Variants in PTPRG observed in about 807,000 individuals in gnomAD.
PTPRG encodes the protein protein tyrosine phosphatase receptor type G.
PTPRG carries 102 observed loss-of-function variants against 165.3 expected under a neutral mutation model. The observed-to-expected ratio is 0.62, with a 90% confidence interval of 0.53 to 0.73. PTPRG has a LOEUF of 0.73. Ranked by LOEUF, PTPRG falls within the 30% of genes least tolerant of loss-of-function variation. The pLI is 0.00. For synonymous variants in PTPRG, 675 were observed against 669.5 expected, an observed-to-expected ratio of 1.01 and a Z score of -0.13; for missense variants, 1,866 against 1,861.4, an observed-to-expected ratio of 1.00 and a Z score of -0.05.
chr3:62,007,248 G>C (rs994341960), intron 4 of PTPRG, among the ~76,000 whole-genome samples: 7 of 152,228 alleles, frequency 4.6e-5, no homozygotes, highest in Admixed American at 1.3e-4. Context: ...GGTCATCTGA[G>C]ACAACTTTGT....
chr3:62,154,622 C>T (rs1174470184), intron 6 of PTPRG, among the ~76,000 whole-genome samples: 1 of 152,124 alleles, frequency 6.6e-6, no homozygotes, highest in East Asian at 1.9e-4. Context: ...AAAGCCATGG[C>T]CTCTTCCTAT....
intron 6 of PTPRG, among the ~76,000 whole-genome samples, chr3:62,153,943 C>G (rs1704439543): frequency 6.6e-6 from 1 of 152,188 alleles, no homozygotes; most frequent in African/African-American, 2.4e-5. Flanking sequence ...GTTTTCTGCT[C>G]TCCAGGCATA....
At chr3:62,169,859 T>A (rs192071441) in intron 8 of PTPRG, among the ~76,000 whole-genome samples, 11 of 152,258 alleles carry the variant, frequency 7.2e-5, no homozygotes, top group Admixed American at 5.9e-4. Context: ...AGGGAACAGT[T>A]TATTGGCATA....
rs1452220082 is a variant in PTPRG, at chr3:62,210,083, T to TA, written c.2155+6134dup. ...CCACTTTCCCACCACCTAATTGAAA[T>TA]AGAGATGACAGACCATCATTTTGAT... On this transcript the variant is annotated intron_variant, in intron 12 of 29. Coordinates refer to ENST00000474889, the MANE Select transcript of PTPRG (RefSeq NM_002841.4). This position sits in a 1 kb window ranked among gnomAD's most constrained non-coding sequence, Gnocchi z 4.1. 6.6e-6 allele frequency among the ~76,000 whole-genome samples: 1 copy of TA among 152,162 alleles called. No individual in the cohort carries two copies. Among genetic ancestry groups the TA allele is most frequent in the African/African-American group, 2.4e-5 (1 of 41,434 alleles).
At chr3:61,576,033 T>C (rs1013568982) in intron 1 of PTPRG, among the ~76,000 whole-genome samples, 6 of 152,138 alleles carry the variant, frequency 3.9e-5, no homozygotes, top group Non-Finnish European at 8.8e-5. Context: ...TGTGAAGACA[T>C]GGGAGAGAGC....
chr3:61,982,627 G>A (rs977364470), intron 2 of PTPRG, among the ~76,000 whole-genome samples: 3 of 152,112 alleles, frequency 2.0e-5, no homozygotes, highest in Non-Finnish European at 2.9e-5. Flanking sequence ...CAGCCTAGAG[G>A]TCTGTGGCTC....
intron 1 of PTPRG, among the ~76,000 whole-genome samples, chr3:61,735,014 G>C (rs1037029138): frequency 1.3e-5 from 2 of 152,160 alleles, no homozygotes; most frequent in African/African-American, 4.8e-5. Context: ...AGCCAAAAAA[G>C]AGAAAGGAAA....
At chr3:61,881,947 A>C (rs1247875870) in intron 2 of PTPRG, among the ~76,000 whole-genome samples, 1 of 152,170 alleles carries the variant, frequency 6.6e-6, no homozygotes, top group African/African-American at 2.4e-5. Flanking sequence ...TCCAGTCATC[A>C]TGTATATAAC....
At chr3:61,871,127 T>C (rs1488409603) in intron 2 of PTPRG, among the ~76,000 whole-genome samples, 1 of 104,654 alleles carries the variant, frequency 9.6e-6, no homozygotes, top group Non-Finnish European at 1.8e-5. Context: ...TATGTTATGT[T>C]ATGTTGTGTT....
chr3:62,070,413 T>A (rs1024669647), intron 4 of PTPRG, among the ~76,000 whole-genome samples: 4 of 152,234 alleles, frequency 2.6e-5, no homozygotes, highest in Admixed American at 2.0e-4. Flanking sequence ...TGTTTATGGC[T>A]TTATCACTTG....
intron 7 of PTPRG, among the ~76,000 whole-genome samples, chr3:62,161,981 TGGTTTTG>T: frequency 6.6e-6 from 1 of 152,312 alleles, no homozygotes; most frequent in East Asian, 1.9e-4. Flanking sequence ...TAATGGACCG[TGGTTTTG>T]TTTAATTGCC....
intron 1 of PTPRG, among the ~76,000 whole-genome samples, chr3:61,709,186 A>C (rs1286174897): frequency 6.6e-6 from 1 of 152,238 alleles, no homozygotes; most frequent in Non-Finnish European, 1.5e-5. Context: ...CTGGGGATAC[A>C]GCTGATAAGA....
At chr3:61,939,214 T>G (rs145044666) in intron 2 of PTPRG, among the ~76,000 whole-genome samples, 109 of 152,290 alleles carry the variant, frequency 7.2e-4, no homozygotes, top group African/African-American at 2.6e-3. Flanking sequence ...AACACTGTTT[T>G]CTGATAGAAA....
chr3:62,236,238 G>A (rs944035746), intron 14 of PTPRG, among the ~76,000 whole-genome samples: 5 of 152,148 alleles, frequency 3.3e-5, no homozygotes, highest in African/African-American at 9.7e-5. Flanking sequence ...ACTCCTCTTT[G>A]AGGAAAAGCC....
chr3:61,610,338 A>T (rs1026836716), intron 1 of PTPRG, among the ~76,000 whole-genome samples: 1 of 152,194 alleles, frequency 6.6e-6, no homozygotes, highest in African/African-American at 2.4e-5. Context: ...TGGCTCTATC[A>T]TCAGTCTTTG....
At chr3:61,882,952 T>G (rs2037926840) in intron 2 of PTPRG, among the ~76,000 whole-genome samples, 1 of 152,188 alleles carries the variant, frequency 6.6e-6, no homozygotes, top group Non-Finnish European at 1.5e-5. Context: ...TACTAGATGC[T>G]TAATGGTTAC....
chr3:61,918,758 A>G (rs561788442), intron 2 of PTPRG, among the ~76,000 whole-genome samples: 2 of 152,286 alleles, frequency 1.3e-5, no homozygotes, highest in African/African-American at 4.8e-5. Context: ...CCTTACTGTC[A>G]CTGAATATGG....
chr3:61,604,543 A>G (rs1431119089), intron 1 of PTPRG, among the ~76,000 whole-genome samples: 1 of 152,186 alleles, frequency 6.6e-6, no homozygotes, highest in Admixed American at 6.5e-5. Context: ...ATTCTTTGTC[A>G]CATCAGTTCT....
chr3:61,993,904 C>T (rs1559734572), intron 3 of PTPRG, among the ~76,000 whole-genome samples: 1 of 152,030 alleles, frequency 6.6e-6, no homozygotes, highest in South Asian at 2.1e-4. Flanking sequence ...GACAGTAACT[C>T]TCCCATAAAA....
Sources: allele counts gnomAD v4.1 joint callset (sites outside exome capture counted in the v4.1 genomes callset), GRCh38; gene constraint gnomAD v4.1.1; non-coding constraint Gnocchi (gnomAD v3.1); transcripts MANE v1.5; gene names NCBI Gene and HGNC (gene_info 2026-07-23, HGNC 2026-07-21).